The following GRID1 variants were observed in gnomAD, a reference collection of about 807,000 sequenced individuals.
The protein encoded by GRID1 is glutamate ionotropic receptor delta type subunit 1.
A neutral mutation model predicts 98.0 loss-of-function variants in GRID1; 28 were observed. The observed-to-expected ratio is 0.29, with a 90% CI of 0.21 to 0.39. The LOEUF is 0.39. Ranked by LOEUF, GRID1 falls within the 10% of genes least tolerant of loss-of-function variation. The pLI, the probability that GRID1 is intolerant of heterozygous loss-of-function variation, is 1.00. For missense variants in GRID1, 1,111 were observed against 1,340.5 expected (o/e 0.83, Z 2.67); for synonymous variants, 553 against 538.5 (o/e 1.03, Z -0.37).
chr10:85,682,354 G>C (rs1841219912), intron 12 of GRID1, among the ~76,000 whole-genome samples: 1 of 152,212 alleles, frequency 6.6e-6, no homozygotes, highest in Non-Finnish European at 1.5e-5. Flanking sequence ...GTCTAGTGCA[G>C]TGTGCAGCAA....
Position 85,879,048 on chromosome 10 carries a change from A to T in GRID1, c.781-9868T>A, listed in dbSNP as rs532451433. Among the ~76,000 whole-genome samples, 6 of 152,010 alleles carry T rather than the reference A, an allele frequency of 3.9e-5. 1 individual carries two copies. The highest frequency in any genetic ancestry group is 1.4e-4 in the African/African-American group (6 of 41,458). ...AAGGCCATTACATGATGGTAAAGGGATCAATTCAACAAGAAGAGCTAACTA... is the reference window on the plus strand; with the variant it reads ...AAGGCCATTACATGATGGTAAAGGGTTCAATTCAACAAGAAGAGCTAACTA... On this transcript the variant is annotated intron_variant, in intron 5 of 15. Coordinates refer to ENST00000327946, the MANE Select transcript of GRID1 (RefSeq NM_017551.3).
At chr10:86,087,639 C>G (rs963042886) in intron 4 of GRID1, among the ~76,000 whole-genome samples, 2 of 152,058 alleles carry the variant, frequency 1.3e-5, no homozygotes, top group African/African-American at 4.8e-5. Context: ...TAATCACAAC[C>G]AACTAATTTG....
chr10:85,615,691 G>A (rs1277527702), intron 14 of GRID1, among the ~76,000 whole-genome samples: 1 of 152,174 alleles, frequency 6.6e-6, no homozygotes, highest in Non-Finnish European at 1.5e-5. Context: ...ACACCACATG[G>A]TGAACTGGAC....
chr10:86,070,963 G>T (rs1239198042), intron 4 of GRID1, among the ~76,000 whole-genome samples: 1 of 152,142 alleles, frequency 6.6e-6, no homozygotes, highest in Non-Finnish European at 1.5e-5. Context: ...GCATCTCCAG[G>T]GGCCAATCCT....
At chr10:85,953,191 T>C (rs7913912) in intron 4 of GRID1, among the ~76,000 whole-genome samples, 105,229 of 151,856 alleles carry the variant, frequency 0.69, 36,835 homozygotes, top group Middle Eastern at 0.81. Flanking sequence ...ACTATGCAGC[T>C]ATAAAAAAGA....
At chr10:85,933,043 G>A (rs1019147826) in intron 4 of GRID1, among the ~76,000 whole-genome samples, 20 of 152,148 alleles carry the variant, frequency 1.3e-4, no homozygotes, top group African/African-American at 4.8e-4. Flanking sequence ...CTAATAGAAG[G>A]TGTTTGTGTC....
At position 85,694,107 on chromosome 10, in the gene GRID1, T is replaced by C; in HGVS notation, c.1997+28896A>G. Among the ~76,000 whole-genome samples, 2 of 151,882 alleles carry C rather than the reference T, an allele frequency of 1.3e-5. 1 individual carries two copies. The highest frequency in any genetic ancestry group is 2.9e-5 in the Non-Finnish European group (2 of 67,944). ...CAAAGCAAAGAACCTCATTAAAAAGTGGGTAAAGGAAATGAACAAACACTT... is the reference window on the plus strand; with the variant it reads ...CAAAGCAAAGAACCTCATTAAAAAGCGGGTAAAGGAAATGAACAAACACTT... On this transcript the variant is annotated intron_variant, in intron 12 of 15. Transcript: ENST00000327946.
intron 12 of GRID1, among the ~76,000 whole-genome samples, chr10:85,673,794 T>C (rs1042359881): frequency 1.3e-5 from 2 of 152,244 alleles, no homozygotes; most frequent in African/African-American, 4.8e-5. Flanking sequence ...ATTGAGATGA[T>C]CTGGACTTGA....
At chr10:86,208,179 C>G (rs904002819) in intron 2 of GRID1, among the ~76,000 whole-genome samples, 18 of 152,206 alleles carry the variant, frequency 1.2e-4, no homozygotes, top group Non-Finnish European at 1.8e-4. Flanking sequence ...CAAAGACCGG[C>G]TGCCCTCCAT....
intron 2 of GRID1, among the ~76,000 whole-genome samples, chr10:86,305,324 C>T (rs778057340): frequency 1.3e-5 from 2 of 152,224 alleles, no homozygotes; most frequent in South Asian, 4.1e-4. Context: ...ACGACAGGTG[C>T]TGAGAGGCAG....
intron 2 of GRID1, among the ~76,000 whole-genome samples, chr10:86,310,426 C>T (rs1589445229): frequency 1.3e-5 from 2 of 152,264 alleles, no homozygotes; most frequent in Admixed American, 1.3e-4. Context: ...ATGGTGGTCC[C>T]CAGCCCTGTG....
At chr10:85,771,659 C>G (rs1436982970) in intron 8 of GRID1, among the ~76,000 whole-genome samples, 1 of 152,122 alleles carries the variant, frequency 6.6e-6, no homozygotes, top group African/African-American at 2.4e-5. Flanking sequence ...CAAAAAAAGG[C>G]AGGGGTTGCA....
intron 5 of GRID1, among the ~76,000 whole-genome samples, chr10:85,905,432 G>A (rs992606029): frequency 3.3e-5 from 5 of 151,468 alleles, no homozygotes; most frequent in Non-Finnish European, 7.4e-5. Flanking sequence ...ACGGATCTTC[G>A]CACCAAAAAT....
chr10:86,259,832 A>T (rs1846984787), intron 2 of GRID1, among the ~76,000 whole-genome samples: 2 of 152,228 alleles, frequency 1.3e-5, no homozygotes, highest in South Asian at 4.1e-4. Context: ...CAGGCTCCAA[A>T]TAGTGATCAA....
At chr10:86,085,747 G>T (rs1444779203) in intron 4 of GRID1, among the ~76,000 whole-genome samples, 2 of 152,064 alleles carry the variant, frequency 1.3e-5, no homozygotes, top group Non-Finnish European at 2.9e-5. Context: ...TTCAGGACTT[G>T]CAGGCAGGGG....
intron 9 of GRID1, among the ~76,000 whole-genome samples, chr10:85,728,831 A>C (rs1841791270): frequency 6.6e-6 from 1 of 152,204 alleles, no homozygotes; most frequent in African/African-American, 2.4e-5. Flanking sequence ...GAGAATGCAG[A>C]AATACTGTTG....
At chr10:85,796,852 C>T (rs1159558686) in intron 8 of GRID1, among the ~76,000 whole-genome samples, 1 of 152,112 alleles carries the variant, frequency 6.6e-6, no homozygotes, top group Non-Finnish European at 1.5e-5. Context: ...TATATCCAGA[C>T]AAATTGCCTT....
chr10:86,306,819 C>T (rs952960125), intron 2 of GRID1, among the ~76,000 whole-genome samples: 1 of 152,216 alleles, frequency 6.6e-6, no homozygotes, highest in African/African-American at 2.4e-5. Context: ...GACAGTTCTG[C>T]CTTACCAGAG....
chr10:85,913,014 T>C (rs25434), intron 5 of GRID1, among the ~76,000 whole-genome samples: 56,059 of 152,052 alleles, frequency 0.37, 11,395 homozygotes, highest in African/African-American at 0.54. Flanking sequence ...TGAGTATAGC[T>C]GGATCCTAAG....
Sources: allele counts gnomAD v4.1 joint callset (sites outside exome capture counted in the v4.1 genomes callset), GRCh38; gene constraint gnomAD v4.1.1; transcripts MANE v1.5; gene names NCBI Gene and HGNC (gene_info 2026-07-23, HGNC 2026-07-21).